The following HERC3 variants were observed in gnomAD, a reference collection of about 807,000 sequenced individuals.
HERC3 encodes HECT and RLD domain containing E3 ubiquitin protein ligase 3.
In HERC3, 58 loss-of-function variants were observed where a neutral mutation model predicts 129.9. The ratio of observed to expected loss-of-function variants is 0.45; its 90% confidence interval spans 0.36 to 0.56. The LOEUF is 0.56. HERC3 is among the 20% of genes least tolerant of loss of function. HERC3 has a pLI of 0.00. For missense variants in HERC3, 835 were observed against 1,244.2 expected, an observed-to-expected ratio of 0.67 and a Z score of 4.95; for synonymous variants, 430 against 451.0, an observed-to-expected ratio of 0.95 and a Z score of 0.59.
intron 3 of HERC3, among the ~76,000 whole-genome samples, chr4:88,620,104 A>G (rs1725350932): frequency 6.6e-6 from 1 of 152,254 alleles, no homozygotes; most frequent in African/African-American, 2.4e-5. Flanking sequence ...GCATAAGGAA[A>G]TGTTTCTAAG....
At chr4:88,538,538 A>G in the HERC3 span, among the ~76,000 whole-genome samples, 1 of 138,424 alleles carries the variant, frequency 7.2e-6, no homozygotes, top group African/African-American at 2.8e-5. Flanking sequence ...CTGTGTCCCA[A>G]TTTCCTCTTT....
At chr4:88,611,517 G>A (rs1724324337) in intron 3 of HERC3, among the ~76,000 whole-genome samples, 2 of 152,148 alleles carry the variant, frequency 1.3e-5, no homozygotes, top group Admixed American at 1.3e-4. Flanking sequence ...GTTATGGGCA[G>A]GTCTGTGATT....
chr4:88,550,089 C>T, the HERC3 span, among the ~76,000 whole-genome samples: 8 of 152,154 alleles, frequency 5.3e-5, no homozygotes, highest in Non-Finnish European at 7.3e-5. Context: ...CCCCATAATA[C>T]TCGACCAATG....
In HERC3 at chr4:88,686,614, T is replaced by C. The variant is rs770174573; in HGVS notation, c.2508-122T>C. The C allele has an allele frequency of 4.5e-4, 290 of 640,064 alleles. 1 individual carries two copies. The highest frequency in any genetic ancestry group is 2.5e-3 in the African/African-American group (134 of 54,612). The allele number at this position is 640,064 out of a possible 1,614,324, so 39.6% of individuals were successfully genotyped here. Reference sequence around the variant, plus strand: ...TTTTCTGTCCGTCCGGATTTATGTTTATTCCAGAATCTTCTTTCATAGTTT... The same window carrying C: ...TTTTCTGTCCGTCCGGATTTATGTTCATTCCAGAATCTTCTTTCATAGTTT... On this transcript the variant is annotated intron_variant, in intron 21 of 25. Transcript: ENST00000402738.
chr4:88,659,540 A>T (rs896092625), intron 10 of HERC3, among the ~76,000 whole-genome samples: 14 of 152,242 alleles, frequency 9.2e-5, no homozygotes, highest in African/African-American at 3.1e-4. Flanking sequence ...AAGGTGGCTT[A>T]GTGCTACCAT....
chr4:88,649,730 A>T (rs1327198546), intron 3 of HERC3, 110 bp from the exon 4 acceptor site: 2 of 789,110 alleles, frequency 2.5e-6, no homozygotes, highest in East Asian at 5.3e-5. Context: ...ATTCAGATTA[A>T]GTGGTTCTTG....
At chr4:88,698,313 A>G (rs1056179603) in intron 23 of HERC3, among the ~76,000 whole-genome samples, 2 of 151,984 alleles carry the variant, frequency 1.3e-5, no homozygotes, top group African/African-American at 4.8e-5. Flanking sequence ...CCTGGGGTGC[A>G]TGTGTGTGGA....
At chr4:88,579,230 A>ATAT in the HERC3 span, among the ~76,000 whole-genome samples, 6 of 98,692 alleles carry the variant, frequency 6.1e-5, no homozygotes, top group African/African-American at 5.3e-4. Context: ...AAAAAAAAAA[A>ATAT]AAATATATAT....
chr4:88,604,944 ATTTT>A (rs201522802), intron 2 of HERC3, among the ~76,000 whole-genome samples: 2 of 151,636 alleles, frequency 1.3e-5, no homozygotes, highest in African/African-American at 4.8e-5. Context: ...GAGAGATGAG[ATTTT>A]TTTTTGTTTG....
intron 2 of HERC3, among the ~76,000 whole-genome samples, chr4:88,601,715 G>T (rs946679156): frequency 6.6e-6 from 1 of 152,216 alleles, no homozygotes; most frequent in African/African-American, 2.4e-5. Flanking sequence ...CTAGAACAGT[G>T]ATTCTTAATA....
chr4:88,590,288 C>T (rs565294669), upstream of HERC3, among the ~76,000 whole-genome samples: 1 of 151,814 alleles, frequency 6.6e-6, no homozygotes, highest in South Asian at 2.1e-4. Context: ...ACTCCGGGCG[C>T]GGTGGCTCAC....
At chr4:88,665,088 C>T (rs1011291383) in intron 12 of HERC3, among the ~76,000 whole-genome samples, 3 of 152,134 alleles carry the variant, frequency 2.0e-5, no homozygotes, top group Non-Finnish European at 2.9e-5. Context: ...CACCCCTACC[C>T]CTCGAGCCCT....
chr4:88,523,913 C>G, the HERC3 span: 1 of 535,108 alleles, frequency 1.9e-6, no homozygotes, highest in East Asian at 3.4e-5. Context: ...CGGAGGACAG[C>G]CCCAGGGCAG....
intron 11 of HERC3, among the ~76,000 whole-genome samples, chr4:88,663,517 C>A (rs1299751340): frequency 6.6e-6 from 1 of 152,100 alleles, no homozygotes; most frequent in Non-Finnish European, 1.5e-5. Context: ...GATCTAAATT[C>A]TGTGATTAAC....
chr4:88,616,790 A>G (rs1023608870), intron 3 of HERC3, among the ~76,000 whole-genome samples: 1 of 152,198 alleles, frequency 6.6e-6, no homozygotes, highest in Admixed American at 6.5e-5. Flanking sequence ...TTATCATCTC[A>G]CATGAGAAGA....
At chr4:88,584,262 T>C in the HERC3 span, among the ~76,000 whole-genome samples, 3 of 152,152 alleles carry the variant, frequency 2.0e-5, no homozygotes, top group Admixed American at 2.0e-4. Flanking sequence ...CAACCCTATT[T>C]CCAAATAAGT....
intron 3 of HERC3, among the ~76,000 whole-genome samples, chr4:88,622,822 G>A (rs895933633): frequency 3.3e-5 from 5 of 152,080 alleles, no homozygotes; most frequent in East Asian, 3.9e-4. Context: ...CCAGCTACTC[G>A]GGAGGCTGAG....
intron 3 of HERC3, among the ~76,000 whole-genome samples, chr4:88,631,093 A>G (rs769416148): frequency 1.3e-5 from 2 of 152,314 alleles, no homozygotes; most frequent in Non-Finnish European, 2.9e-5. Context: ...CATTTTTCAT[A>G]GTATTTGTTT....
Position 88,655,255 on chromosome 4 carries a change from A to G in HERC3, c.859A>G (p.Arg287Gly). 6.2e-7 allele frequency: 1 copy of G among 1,614,022 alleles called. No individual in the cohort carries two copies. Among genetic ancestry groups the G allele is most frequent in the South Asian group, 1.1e-5 (1 of 91,088 alleles). ...CATGAATGATGAGGTTAACCCTAGAAGAGTTCTAGAGCTGATGGGTAGTGA... is the reference window on the plus strand; with the variant it reads ...CATGAATGATGAGGTTAACCCTAGAGGAGTTCTAGAGCTGATGGGTAGTGA... ...DSMNDEVNPR[R>G]VLELMGSEVT... Residue 287 changes from arginine to glycine, a missense_variant, in exon 8 of 26, where the codon AGA (arginine) becomes GGA (glycine). Arg to Gly is a moderately radical substitution (Grantham distance 125). Coordinates refer to ENST00000402738, the MANE Select transcript of HERC3 (RefSeq NM_014606.3).
Sources: gnomAD v4.1 joint callset for allele counts (sites outside exome capture counted in the v4.1 genomes callset) on GRCh38, gnomAD v4.1.1 for gene constraint, MANE v1.5 for transcripts, NCBI Gene and HGNC (gene_info 2026-07-23, HGNC 2026-07-21) for gene names.